Variants in FAM168A observed in about 807,000 individuals in gnomAD.
FAM168A encodes the protein protein FAM168A.
A neutral mutation model predicts 28.5 loss-of-function variants in FAM168A; 3 were observed. The observed-to-expected ratio is 0.11, with a 90% CI of 0.05 to 0.27. The LOEUF is 0.27. FAM168A is among the 10% of genes least tolerant of loss of function. The pLI is 1.00. For missense variants in FAM168A, 222 were observed against 311.5 expected, an observed-to-expected ratio of 0.71 and a Z score of 2.16; for synonymous variants, 122 against 124.2, an observed-to-expected ratio of 0.98 and a Z score of 0.12.
chr11:73,593,301 C>A (rs1289185883), intron 1 of FAM168A, among the ~76,000 whole-genome samples: 1 of 152,050 alleles, frequency 6.6e-6, no homozygotes, highest in African/African-American at 2.4e-5. Flanking sequence ...ATTTGTTATT[C>A]TTTAAGTTGT....
chr11:73,534,430 T>G, intron 1 of FAM168A, among the ~76,000 whole-genome samples: 1 of 149,926 alleles, frequency 6.7e-6, no homozygotes, highest in Admixed American at 6.7e-5. Context: ...TGAGACGGAG[T>G]CTCACTCTGT....
At chr11:73,413,526 T>C (rs1186126851) in intron 4 of FAM168A, among the ~76,000 whole-genome samples, 1 of 152,204 alleles carries the variant, frequency 6.6e-6, no homozygotes, top group Non-Finnish European at 1.5e-5. Flanking sequence ...GCTTTGCAGA[T>C]GTCTAGAAGG....
intron 1 of FAM168A, among the ~76,000 whole-genome samples, chr11:73,509,323 A>G (rs948867922): frequency 6.6e-6 from 1 of 152,196 alleles, no homozygotes; most frequent in East Asian, 1.9e-4. Flanking sequence ...ATTTGTTAAC[A>G]AATCTCCAAG....
At chr11:73,549,899 G>T (rs548126392) in intron 1 of FAM168A, among the ~76,000 whole-genome samples, 1 of 152,192 alleles carries the variant, frequency 6.6e-6, no homozygotes, top group Admixed American at 6.5e-5. Flanking sequence ...TGACTAAGAA[G>T]AGGGCTTATT....
intron 1 of FAM168A, among the ~76,000 whole-genome samples, chr11:73,579,990 T>C (rs1000194577): frequency 2.0e-5 from 3 of 152,228 alleles, no homozygotes; most frequent in Non-Finnish European, 4.4e-5. Flanking sequence ...AACTTTAAAA[T>C]ATTTGCCTTG....
intron 1 of FAM168A, among the ~76,000 whole-genome samples, chr11:73,491,112 C>A (rs1054477771): frequency 3.3e-5 from 5 of 152,216 alleles, no homozygotes; most frequent in African/African-American, 1.2e-4. Flanking sequence ...CATAATAATC[C>A]TGAGCCTTCC....
intron 1 of FAM168A, among the ~76,000 whole-genome samples, chr11:73,544,421 C>T (rs1000774852): frequency 2.0e-5 from 3 of 151,944 alleles, no homozygotes; most frequent in Admixed American, 2.0e-4. Flanking sequence ...AACAACTCTA[C>T]TCCTAGATGT....
At chr11:73,559,643 T>C (rs1943933901) in intron 1 of FAM168A, among the ~76,000 whole-genome samples, 1 of 152,158 alleles carries the variant, frequency 6.6e-6, no homozygotes, top group South Asian at 2.1e-4. Flanking sequence ...GGAATAGGAA[T>C]GGGAATGACT....
At chr11:73,483,476 A>C (rs1166942332) in intron 1 of FAM168A, among the ~76,000 whole-genome samples, 1 of 152,234 alleles carries the variant, frequency 6.6e-6, no homozygotes, top group East Asian at 1.9e-4. Flanking sequence ...ATGGAGGATA[A>C]AAGTAACAAA....
At chr11:73,537,280 G>A (rs1029351631) in intron 1 of FAM168A, among the ~76,000 whole-genome samples, 2 of 152,176 alleles carry the variant, frequency 1.3e-5, no homozygotes, top group Non-Finnish European at 2.9e-5. Context: ...CACTTTGTAG[G>A]CCAGGCATGG....
intron 1 of FAM168A, among the ~76,000 whole-genome samples, chr11:73,492,455 G>A (rs1424988291): frequency 6.6e-6 from 1 of 152,024 alleles, no homozygotes; most frequent in Non-Finnish European, 1.5e-5. Context: ...AGACCAGCAT[G>A]GTGAAACCCC....
chr11:73,516,994 T>C (rs1943311767), intron 1 of FAM168A, among the ~76,000 whole-genome samples: 1 of 152,218 alleles, frequency 6.6e-6, no homozygotes, highest in South Asian at 2.1e-4. Context: ...ATAAATTATT[T>C]TTTAAAATGC....
At chr11:73,556,531 G>C (rs1056065582) in intron 1 of FAM168A, among the ~76,000 whole-genome samples, 1 of 151,960 alleles carries the variant, frequency 6.6e-6, no homozygotes, top group East Asian at 1.9e-4. Flanking sequence ...GGATTGTCAG[G>C]GGGGTAGGGA....
chr11:73,535,513 G>A (rs533830593), intron 1 of FAM168A, among the ~76,000 whole-genome samples: 7 of 150,188 alleles, frequency 4.7e-5, no homozygotes, highest in East Asian at 2.0e-4. Flanking sequence ...TCCACCTCCC[G>A]GGTTCATGCC....
At chr11:73,511,459 G>A (rs1855224893) in intron 1 of FAM168A, among the ~76,000 whole-genome samples, 1 of 151,878 alleles carries the variant, frequency 6.6e-6, no homozygotes. Flanking sequence ...GGATGGTCTC[G>A]ATCTCCTGAC....
intron 1 of FAM168A, among the ~76,000 whole-genome samples, chr11:73,478,539 G>A (rs1867924306): frequency 6.6e-6 from 1 of 152,036 alleles, no homozygotes; most frequent in East Asian, 1.9e-4. Flanking sequence ...ATTTTTGGTG[G>A]TTACAAAATT....
At position 73,515,705 on chromosome 11, in the gene FAM168A, G is replaced by A. The variant is rs183153331; in HGVS notation, c.-18-47213C>T. On this transcript the variant is annotated intron_variant, in intron 1 of 7. Transcript: ENST00000356467. ...AACATAGGGGCTCAATTGAACTGGC[G>A]CTAATCAAGAATAGAAATGTCATAG... Among the ~76,000 whole-genome samples the A allele has an allele frequency of 1.2e-3, 188 of 152,008 alleles. 1 individual carries two copies. The highest frequency in any genetic ancestry group is 2.5e-3 in the Admixed American group (38 of 15,254).
chr11:73,430,760 T>C lies in FAM168A; in HGVS notation c.81A>G (p.Thr27=). 1.2e-6 allele frequency: 2 copies of C among 1,612,342 alleles called. No homozygotes were observed. The highest frequency in any genetic ancestry group is 1.7e-6 in the Non-Finnish European group (2 of 1,179,142). ...AGGCAGGGGCAGCTGCTGGATAGGC[T>C]GTGGGGTAACCTACAGAGAGATAAG... The part of the protein sequence containing the change: ...PKNMAYTGYP[T]AYPAAAPAYN... The change falls in exon 3 of 8, where the codon ACA becomes ACG. Residue 27 remains threonine, a synonymous_variant. Transcript: ENST00000356467.
Position 73,447,548 on chromosome 11 carries a change from A to G in FAM168A, c.71-16778T>C, listed in dbSNP as rs7481545. ...TCCAGCCTGGGCAACAGAGTGTAAGACCCTGTCTCAAAAAAAAAAAAAAAA... is the reference window on the plus strand; with the variant it reads ...TCCAGCCTGGGCAACAGAGTGTAAGGCCCTGTCTCAAAAAAAAAAAAAAAA... On this transcript the variant is annotated intron_variant, in intron 2 of 7. Transcript: ENST00000356467. Among the ~76,000 whole-genome samples, 11 of 137,600 alleles carry G rather than the reference A, an allele frequency of 8.0e-5. No homozygotes were observed. The East Asian group carries it at 2.3e-3, about 28-fold the overall frequency. 90.3% of individuals were successfully genotyped at this position (137,600 alleles called of 152,430 possible).
Sources: allele counts gnomAD v4.1 joint callset (sites outside exome capture counted in the v4.1 genomes callset), GRCh38; gene constraint gnomAD v4.1.1; transcripts MANE v1.5; gene names NCBI Gene and HGNC (gene_info 2026-07-23, HGNC 2026-07-21).